The following MSH4 variants were observed in gnomAD, a reference collection of about 807,000 sequenced individuals.
MSH4 encodes mutS protein homolog 4.
Under a neutral mutation model 113.7 loss-of-function variants are expected in MSH4, and 106 were observed. That is an observed-to-expected ratio of 0.93 (90% confidence interval 0.80 to 1.10). MSH4 has a LOEUF of 1.10. Among genes scored for constraint, MSH4 ranks in the 50% least tolerant of loss-of-function variants. The pLI, the probability that MSH4 is intolerant of heterozygous loss-of-function variation, is 0.00. For synonymous variants in MSH4, 368 were observed against 380.2 expected (o/e 0.97, Z 0.37); for missense variants, 1,061 against 1,093.7 (o/e 0.97, Z 0.42).
intron 7 of MSH4, among the ~76,000 whole-genome samples, chr1:75,833,004 T>G (rs1195955991): frequency 2.6e-5 from 4 of 152,198 alleles, no homozygotes; most frequent in Admixed American, 6.5e-5. Flanking sequence ...TGTCCCTGTT[T>G]GCAGATGTCA....
At chr1:75,857,740 G>C (rs1651352530) in intron 8 of MSH4, among the ~76,000 whole-genome samples, 1 of 150,638 alleles carries the variant, frequency 6.6e-6, no homozygotes, top group Admixed American at 6.6e-5. Context: ...GTTTAATCTT[G>C]GCTATGCGGG....
At chr1:75,853,623 CT>C (rs1651245831) in intron 8 of MSH4, among the ~76,000 whole-genome samples, 1 of 152,092 alleles carries the variant, frequency 6.6e-6, no homozygotes, top group Non-Finnish European at 1.5e-5. Context: ...ATTTATCCAA[CT>C]TTCAATTTAT....
intron 1 of MSH4, among the ~76,000 whole-genome samples, chr1:75,799,373 C>T (rs973456452): frequency 1.3e-5 from 2 of 152,124 alleles, no homozygotes; most frequent in African/African-American, 4.8e-5. Context: ...ATAATCTGTG[C>T]TCTCAATGAA....
chr1:75,883,495 C>T, intron 14 of MSH4, 126 bp from the exon 15 acceptor site: 2 of 726,978 alleles, frequency 2.8e-6, no homozygotes, highest in Non-Finnish European at 4.4e-6. Flanking sequence ...AATATAGTAC[C>T]TTAATGTTAT....
chr1:75,890,209 T>C (rs1428007064), intron 16 of MSH4, among the ~76,000 whole-genome samples: 1 of 152,090 alleles, frequency 6.6e-6, no homozygotes, highest in Admixed American at 6.5e-5. Flanking sequence ...TGGTCATGGA[T>C]TTAAATTTAT....
At chr1:75,881,480 C>A in intron 14 of MSH4, 110 bp downstream of exon 14, 1 of 1,117,466 alleles carries the variant, frequency 8.9e-7, no homozygotes, top group African/African-American at 1.6e-5. Context: ...GAAATAGAGT[C>A]TCTTGCCTCT....
chr1:75,892,698 C>A (rs1046231934), intron 17 of MSH4, among the ~76,000 whole-genome samples: 1 of 151,906 alleles, frequency 6.6e-6, no homozygotes, highest in African/African-American at 2.4e-5. Context: ...CCAGCTCGGG[C>A]CCCCACCCAA....
intron 6 of MSH4, among the ~76,000 whole-genome samples, chr1:75,818,603 G>A (rs1650338655): frequency 6.6e-6 from 1 of 152,108 alleles, no homozygotes; most frequent in South Asian, 2.1e-4. Context: ...CCTCATTATT[G>A]TTGTCATGAT....
chr1:75,861,229 G>A (rs186767125), intron 8 of MSH4, among the ~76,000 whole-genome samples: 44 of 152,198 alleles, frequency 2.9e-4, no homozygotes, highest in African/African-American at 1.0e-3. Flanking sequence ...GCTTGGAGAA[G>A]TTTGTTATTA....
intron 15 of MSH4, among the ~76,000 whole-genome samples, chr1:75,885,043 GTGTGTGTGTGTGTGTGTA>G (rs1652035969): frequency 9.6e-6 from 1 of 104,004 alleles, no homozygotes; most frequent in Non-Finnish European, 1.9e-5. Flanking sequence ...GTGTGTGTGT[GTGTGTGTGTGTGTGTGTA>G]TATATATATA....
intron 3 of MSH4, among the ~76,000 whole-genome samples, chr1:75,810,460 G>T (rs1221100333): frequency 2.2e-5 from 3 of 139,356 alleles, no homozygotes; most frequent in African/African-American, 7.9e-5. Context: ...TCACCATGTT[G>T]GCCAGGTGGG....
chr1:75,863,569 T>A (rs1651505450), intron 8 of MSH4, among the ~76,000 whole-genome samples: 1 of 152,180 alleles, frequency 6.6e-6, no homozygotes, highest in Admixed American at 6.5e-5. Context: ...TTATGCTTCT[T>A]TTCTCTCCAA....
chr1:75,863,797 A>G (rs1651509662), intron 8 of MSH4, among the ~76,000 whole-genome samples: 1 of 152,184 alleles, frequency 6.6e-6, no homozygotes, highest in Non-Finnish European at 1.5e-5. Context: ...CTGTAAGAGT[A>G]TTCTTTTCTT....
At position 75,889,446 on chromosome 1, in the gene MSH4, T is replaced by G. The variant is rs1014571989; in HGVS notation, c.2226+77T>G. The G allele has an allele frequency of 7.5e-6, 5 of 665,460 alleles. No homozygotes were observed. In the African/African-American group the frequency reaches 9.4e-5, roughly 13 times the overall value. The allele number at this position is 665,460 out of a possible 1,614,324, so 41.2% of individuals were successfully genotyped here. ...TGGCCAGTTATCACATAAAATATTTTTATACTAAAATATGCAGATGTTGCT... is the reference window on the plus strand; with the variant it reads ...TGGCCAGTTATCACATAAAATATTTGTATACTAAAATATGCAGATGTTGCT... On this transcript the variant is annotated intron_variant, in intron 16 of 19. Coordinates refer to ENST00000263187, the MANE Select transcript of MSH4 (RefSeq NM_002440.4).
At chr1:75,841,969 G>A (rs367833912) in intron 7 of MSH4, among the ~76,000 whole-genome samples, 1 of 152,176 alleles carries the variant, frequency 6.6e-6, no homozygotes, top group Non-Finnish European at 1.5e-5. Context: ...AAATATGAGT[G>A]ACCATGGCCC....
intron 7 of MSH4, among the ~76,000 whole-genome samples, chr1:75,839,407 G>A (rs12081631): frequency 0.059 from 8,910 of 151,910 alleles, 465 homozygotes; most frequent in African/African-American, 0.14. Context: ...TAGAGATGGC[G>A]TTTCACCATG....
intron 8 of MSH4, among the ~76,000 whole-genome samples, chr1:75,856,256 T>G (rs921466719): frequency 7.9e-5 from 12 of 152,130 alleles, no homozygotes; most frequent in Middle Eastern, 3.4e-3. Flanking sequence ...TTTTAAAGGG[T>G]CAATGTTACT....
intron 17 of MSH4, among the ~76,000 whole-genome samples, chr1:75,892,542 G>T (rs1174589510): frequency 1.3e-5 from 2 of 152,136 alleles, no homozygotes; most frequent in Admixed American, 1.3e-4. Context: ...TCAACTGCTT[G>T]TAAGCAGCAG....
intron 7 of MSH4, among the ~76,000 whole-genome samples, chr1:75,842,728 G>A (rs11161718): frequency 0.46 from 70,235 of 151,882 alleles, 17,263 homozygotes; most frequent in East Asian, 0.95. Context: ...GCGTCTGGGA[G>A]GACGCCCGTT....
Sources: gnomAD v4.1 joint callset for allele counts (sites outside exome capture counted in the v4.1 genomes callset) on GRCh38, gnomAD v4.1.1 for gene constraint, MANE v1.5 for transcripts, NCBI Gene and HGNC (gene_info 2026-07-23, HGNC 2026-07-21) for gene names.